The following PET117 variants were observed in gnomAD, a reference collection of about 807,000 sequenced individuals.
PET117 encodes PET117 cytochrome c oxidase chaperone, also known as protein PET117 homolog, mitochondrial.
PET117 carries 10 observed loss-of-function variants against 9.2 expected under a neutral mutation model. The ratio of observed to expected loss-of-function variants is 1.09; its 90% CI spans 0.67 to 1.85. The LOEUF (loss-of-function observed/expected upper bound fraction) is 1.85, where lower values mean the gene tolerates loss of function less well. PET117 is among the 40% of genes most tolerant of loss of function. PET117 has a pLI of 0.00. For synonymous variants in PET117, 43 were observed against 37.1 expected (o/e 1.16, Z -0.57); for missense variants, 96 against 98.2 (o/e 0.98, Z 0.09).
chr20:18,141,195 A>G (rs1005413055), intron 1 of PET117, among the ~76,000 whole-genome samples: 3 of 151,824 alleles, frequency 2.0e-5, no homozygotes, highest in African/African-American at 7.3e-5. Context: ...TAAAACCTTT[A>G]GAGTATTTTG....
chr20:18,142,801 A>T lies in PET117; in HGVS notation c.*444A>T. On this transcript the variant is annotated 3_prime_UTR_variant, in exon 2 of 2. Coordinates refer to ENST00000432901, the MANE Select transcript of PET117 (RefSeq NM_001164811.2). Reference sequence around the variant, plus strand: ...TCGTCGAATCCGAGGATCAGGCATCAGTGGACTTATCGCACGACCAGAGTG... The same window carrying T: ...TCGTCGAATCCGAGGATCAGGCATCTGTGGACTTATCGCACGACCAGAGTG... The T allele has an allele frequency of 6.2e-7, 1 of 1,614,212 alleles. No homozygotes were observed. The highest frequency in any genetic ancestry group is 1.3e-5 in the African/African-American group (1 of 75,060).
chr20:18,138,845 A>C, intron 1 of PET117, among the ~76,000 whole-genome samples: 1 of 152,130 alleles, frequency 6.6e-6, no homozygotes, highest in East Asian at 1.9e-4. Flanking sequence ...CTCACTAAGC[A>C]CCTTGGGAAT....
At position 18,138,215 on chromosome 20, in the gene PET117, C is replaced by T. The variant is rs569228398; in HGVS notation, c.96+164C>T. 4.0e-5 allele frequency: 50 copies of T among 1,265,614 alleles called. No individual in the cohort carries two copies. In the African/African-American group the frequency reaches 7.0e-4, roughly 18 times the overall value. 78.4% of individuals were successfully genotyped at this position (1,265,614 alleles called of 1,614,324 possible). ...TTTGCGGCTGCGGCCGGCGGCCGCT[C>T]TGCTGGGCTCCGGGCGCTGCAGCTC... On this transcript the variant is annotated intron_variant, in intron 1 of 1. Transcript: ENST00000432901.
intron 1 of PET117, among the ~76,000 whole-genome samples, chr20:18,141,608 G>C (rs1445857074): frequency 6.6e-6 from 1 of 152,232 alleles, no homozygotes; most frequent in African/African-American, 2.4e-5. Context: ...ACATTGGCCG[G>C]GTGCAGTGGC....
rs903518545 is a variant in PET117, at chr20:18,142,294, G to A, written c.183G>A (p.Leu61=). 25 of 1,537,136 alleles carry A rather than the reference G, an allele frequency of 1.6e-5. No individual in the cohort carries two copies. The African/African-American group carries it at 3.0e-4, about 18-fold the overall frequency. The part of the protein sequence containing the change: ...NIRLLGEQII[L]TEQLEAEREK... ...GTCTTTTGGGAGAACAGATTATTTT[G>A]ACTGAGCAACTTGAAGCAGAAAGAG... The change falls in exon 2 of 2, where the codon TTG becomes TTA. Residue 61 remains leucine (L), a synonymous_variant. Coordinates refer to ENST00000432901, the MANE Select transcript of PET117 (RefSeq NM_001164811.2).
Position 18,142,830 on chromosome 20 carries a change from A to G in PET117, c.*473A>G. 6.2e-7 allele frequency: 1 copy of G among 1,614,190 alleles called. No individual in the cohort carries two copies. Among genetic ancestry groups the G allele is most frequent in the South Asian group, 1.1e-5 (1 of 91,082 alleles). ...GACTTATCGCACGACCAGAGTGGGG[A>G]TTCCCTCAACAGTGATGAAGGAGAC... On this transcript the variant is annotated 3_prime_UTR_variant, in exon 2 of 2. Coordinates refer to ENST00000432901, the MANE Select transcript of PET117 (RefSeq NM_001164811.2).
Position 18,142,666 on chromosome 20 carries a change from T to C in PET117, c.*309T>C, listed in dbSNP as rs1344750429. 3.1e-6 allele frequency: 5 copies of C among 1,614,110 alleles called. No individual in the cohort carries two copies. ...GAGCTTGTGAGAAGGAAGGGATGGATAGTAGCATCCACCTGAGTAGTCTGA... is the reference window on the plus strand; with the variant it reads ...GAGCTTGTGAGAAGGAAGGGATGGACAGTAGCATCCACCTGAGTAGTCTGA... On this transcript the variant is annotated 3_prime_UTR_variant, in exon 2 of 2. Transcript: ENST00000432901.
rs41276414 is a variant in PET117 at position 18,142,933 on chromosome 20, C to G, written c.*576C>G. 2,979 of 1,610,046 alleles carry G rather than the reference C, an allele frequency of 1.9e-3. 10 individuals are homozygous for G. Among genetic ancestry groups the G allele is most frequent in the Middle Eastern group, 8.4e-3 (51 of 6,054 alleles). ...GGATACCAGCCAGTAAGGAGCTTCT[C>G]AATTCCTTTGATTTGTCAATTCCTG... On this transcript the variant is annotated 3_prime_UTR_variant, in exon 2 of 2. Transcript: ENST00000432901.
intron 1 of PET117, among the ~76,000 whole-genome samples, chr20:18,141,681 C>T (rs375744621): frequency 6.6e-6 from 1 of 152,086 alleles, no homozygotes; most frequent in African/African-American, 2.4e-5. Flanking sequence ...ATCAGGAGTT[C>T]GAGACCAGCT....
rs2037651843 is a variant in PET117 at position 18,143,084 on chromosome 20, T to C, written c.*727T>C. The C allele has an allele frequency of 2.1e-6, 3 of 1,408,658 alleles. No individual in the cohort carries two copies. In the East Asian group the frequency reaches 7.7e-5, roughly 36 times the overall value. 87.3% of individuals were successfully genotyped at this position (1,408,658 alleles called of 1,614,324 possible). On this transcript the variant is annotated 3_prime_UTR_variant, in exon 2 of 2. Coordinates refer to ENST00000432901, the MANE Select transcript of PET117 (RefSeq NM_001164811.2). ...TTTATATAAAACATAGGCATGTTTG[T>C]ACTAATGAAACGTACTGTCAACCTC... is the stretch of plus-strand genomic sequence containing the variant.
chr20:18,142,129 T>C (rs2037610118), intron 1 of PET117, 79 bp from the exon 2 acceptor site: 1 of 1,398,786 alleles, frequency 7.1e-7, no homozygotes, highest in African/African-American at 1.4e-5. Context: ...TTGGTAACAC[T>C]GTTATTTGGA....
chr20:18,139,630 T>C (rs879361398), intron 1 of PET117, among the ~76,000 whole-genome samples: 69 of 124,436 alleles, frequency 5.5e-4, no homozygotes, highest in Non-Finnish European at 1.1e-3. Context: ...AGAACCAAAA[T>C]AACGTGTGTG....
chr20:18,140,022 A>G (rs1486408842), intron 1 of PET117, among the ~76,000 whole-genome samples: 1 of 152,164 alleles, frequency 6.6e-6, no homozygotes, highest in Non-Finnish European at 1.5e-5. Flanking sequence ...CACAGGAAGG[A>G]TGTGTGAGGC....
At chr20:18,138,127 C>T (rs2037366849) in intron 1 of PET117, 76 bp downstream of exon 1, 11 of 1,386,392 alleles carry the variant, frequency 7.9e-6, no homozygotes, top group Non-Finnish European at 9.3e-6. Flanking sequence ...TCTCTGCCCG[C>T]TCGGTTCCTC....
chr20:18,138,083 C>T (rs967428843), intron 1 of PET117, 32 bp downstream of exon 1: 2 of 1,437,230 alleles, frequency 1.4e-6, no homozygotes, highest in African/African-American at 1.5e-5. Context: ...CTTCCGGGCC[C>T]GCGCGCGCGG....
rs972721082 is a variant in PET117 at position 18,143,073 on chromosome 20, A to T, written c.*716A>T. 8 of 1,417,884 alleles carry T rather than the reference A, an allele frequency of 5.6e-6. No individual in the cohort carries two copies. The Admixed American group carries it at 2.3e-4, about 40-fold the overall frequency. 87.8% of individuals were successfully genotyped at this position (1,417,884 alleles called of 1,614,324 possible). A position where few individuals can be genotyped will look rare whatever the true frequency, so the allele number is the denominator to read the frequency against. On this transcript the variant is annotated 3_prime_UTR_variant, in exon 2 of 2. Coordinates refer to ENST00000432901, the MANE Select transcript of PET117 (RefSeq NM_001164811.2). ...TCAGCTATAAATTTATATAAAACAT[A>T]GGCATGTTTGTACTAATGAAACGTA...
rs1458906078 is a variant in PET117 at position 18,142,225 on chromosome 20, T to C, written c.114T>C (p.Val38=). The change falls in exon 2 of 2, where the codon GTT becomes GTC. Residue 38 remains valine (V), a synonymous_variant. Transcript: ENST00000432901. ...QWDQQRLRDG[V]IRDIERQIRK... ...GTTTTTAGAGGCTTCGTGACGGAGTTATCAGAGACATTGAGAGGCAAATTC... is the reference window on the plus strand; with the variant it reads ...GTTTTTAGAGGCTTCGTGACGGAGTCATCAGAGACATTGAGAGGCAAATTC... The C allele has an allele frequency of 6.5e-7, 1 of 1,537,184 alleles. No individual in the cohort carries two copies. Among genetic ancestry groups the C allele is most frequent in the Non-Finnish European group, 8.7e-7 (1 of 1,146,884 alleles).
Position 18,143,140 on chromosome 20 carries a change from G to T in PET117, c.*783G>T. ...CATTGTTAAATTAACACTTTTGGTGGTAACTCAATAAAATTGAGAAAATTG... is the reference window on the plus strand; with the variant it reads ...CATTGTTAAATTAACACTTTTGGTGTTAACTCAATAAAATTGAGAAAATTG... On this transcript the variant is annotated 3_prime_UTR_variant, in exon 2 of 2. Transcript: ENST00000432901. 1 of 1,272,440 alleles carries T rather than the reference G, an allele frequency of 7.9e-7. No homozygotes were observed. The highest frequency in any genetic ancestry group is 9.9e-7 in the Non-Finnish European group (1 of 1,005,484). The allele number at this position is 1,272,440 out of a possible 1,614,324, so 78.8% of individuals were successfully genotyped here.
At chr20:18,140,847 A>C (rs1417885160) in intron 1 of PET117, among the ~76,000 whole-genome samples, 1 of 148,314 alleles carries the variant, frequency 6.7e-6, no homozygotes, top group Non-Finnish European at 1.5e-5. Flanking sequence ...CCAATAAAAC[A>C]AAACAAAAAA....
Sources: gnomAD v4.1 joint callset for allele counts (sites outside exome capture counted in the v4.1 genomes callset) on GRCh38, gnomAD v4.1.1 for gene constraint, MANE v1.5 for transcripts, NCBI Gene and HGNC (gene_info 2026-07-23, HGNC 2026-07-21) for gene names.